The following FAM184A variants were observed in gnomAD, a reference collection of about 807,000 sequenced individuals.
The protein encoded by FAM184A is family with sequence similarity 184 member A, also known as protein FAM184A.
Under a neutral mutation model 143.8 loss-of-function variants are expected in FAM184A, and 99 were observed. The ratio of observed to expected loss-of-function variants is 0.69; its 90% CI spans 0.58 to 0.81. The LOEUF is 0.81. FAM184A is among the 40% of genes least tolerant of loss of function. The probability of loss-of-function intolerance (pLI) is 0.00; values close to 1 mark genes in which losing one functional copy is unlikely to be tolerated. For synonymous variants in FAM184A, 427 were observed against 446.4 expected, an observed-to-expected ratio of 0.96 and a Z score of 0.55; for missense variants, 1,217 against 1,310.5, an observed-to-expected ratio of 0.93 and a Z score of 1.10.
At chr6:119,017,929 T>C (rs1785317877) in intron 4 of FAM184A, among the ~76,000 whole-genome samples, 1 of 152,164 alleles carries the variant, frequency 6.6e-6, no homozygotes, top group Admixed American at 6.5e-5. Context: ...CTCTCTCTCT[T>C]GTCCTGTGAC....
chr6:118,994,701 A>G (rs1784490145), intron 9 of FAM184A, among the ~76,000 whole-genome samples: 1 of 134,718 alleles, frequency 7.4e-6, no homozygotes, highest in Admixed American at 7.2e-5. Context: ...AAATAAATAA[A>G]TAAATAAATA....
chr6:119,079,339 A>G (rs1380557113), upstream of FAM184A, among the ~76,000 whole-genome samples: 2 of 152,184 alleles, frequency 1.3e-5, no homozygotes, highest in Non-Finnish European at 2.9e-5. Context: ...ACAAATAGAT[A>G]TGAAACTACT....
chr6:119,073,880 C>T (rs1787778784), intron 1 of FAM184A, among the ~76,000 whole-genome samples: 1 of 152,162 alleles, frequency 6.6e-6, no homozygotes, highest in South Asian at 2.1e-4. Flanking sequence ...CCTATGTGGC[C>T]TCTACGGAAG....
At chr6:119,069,268 A>G (rs1787591830) in intron 1 of FAM184A, 1 of 176,712 alleles carries the variant, frequency 5.7e-6, no homozygotes, top group Admixed American at 6.2e-5. Flanking sequence ...ATATCTAAGT[A>G]TATTTTATTA....
chr6:118,960,238 T>C, intron 17 of FAM184A, 54 bp from the exon 18 acceptor site: 1 of 1,467,158 alleles, frequency 6.8e-7, no homozygotes, highest in South Asian at 1.2e-5. Context: ...TTTTGCAAAA[T>C]GAAGGCAAAA....
chr6:118,964,454 A>G (rs1783430990), intron 16 of FAM184A, among the ~76,000 whole-genome samples: 1 of 152,232 alleles, frequency 6.6e-6, no homozygotes, highest in Non-Finnish European at 1.5e-5. Context: ...GTTTTATAAT[A>G]TTGGTAAAAT....
chr6:118,992,051 A>G (rs956456898), intron 9 of FAM184A, among the ~76,000 whole-genome samples: 1 of 152,074 alleles, frequency 6.6e-6, no homozygotes, highest in Non-Finnish European at 1.5e-5. Flanking sequence ...GGTATGAGCC[A>G]GCGCACCCAG....
In FAM184A at chr6:119,024,155, G is replaced by A. The variant is rs1012436424; in HGVS notation, c.818C>T (p.Thr273Ile). 3.1e-6 allele frequency: 5 copies of A among 1,614,164 alleles called. No individual in the cohort carries two copies. The highest frequency in any genetic ancestry group is 3.4e-6 in the Non-Finnish European group (4 of 1,180,026). Reference protein sequence around the residue: ...LDTLKRSQLFTAESLQASKEK... With the variant: ...LDTLKRSQLFIAESLQASKEK... ...TTTGCTGGCCTGTAGGCTTTCTGCT[G>A]TAAAAAGCTGTGACCTTTTCAAAGT... Residue 273 changes from threonine to isoleucine, a missense_variant, in exon 2 of 18, where the codon ACA (threonine) becomes ATA (isoleucine). Transcript: ENST00000338891.
chr6:118,962,797 G>GAATTGATTCT (rs1375831693), intron 16 of FAM184A: 1 of 151,850 alleles, frequency 6.6e-6, no homozygotes, highest in African/African-American at 2.4e-5. Context: ...CACATCTCTA[G>GAATTGATTCT]AATCAATGAT....
At chr6:119,082,270 T>C (rs1170915296), upstream of FAM184A, among the ~76,000 whole-genome samples, 1 of 152,170 alleles carries the variant, frequency 6.6e-6, no homozygotes, top group East Asian at 1.9e-4. Flanking sequence ...CAATATGAGA[T>C]TTGAGTGGAG....
chr6:119,083,819 G>C (rs908895038), intron 1 of FAM184A, among the ~76,000 whole-genome samples: 1 of 152,082 alleles, frequency 6.6e-6, no homozygotes, highest in Admixed American at 6.5e-5. Flanking sequence ...CCTCCAAACT[G>C]TTCCAGTTCT....
At position 119,011,410 on chromosome 6, in the gene FAM184A, T is replaced by G. The variant is rs752344310; in HGVS notation, c.1552A>C (p.Lys518Gln). 8.4e-6 allele frequency: 13 copies of G among 1,556,000 alleles called. No homozygotes were observed. In the Admixed American group the frequency reaches 2.3e-4, roughly 28 times the overall value. The change falls in exon 6 of 18, where the codon AAA (lysine) becomes CAA (glutamine). Residue 518 changes from lysine (K) to glutamine (Q), a missense_variant. Coordinates refer to ENST00000338891, the MANE Select transcript of FAM184A (RefSeq NM_024581.6). ...LQMDLEEQHN[K>Q]DKLNLEEDKN... ...TCCTCTTCCAGGTTTAGTTTATCTTTGTTATGTTGTTCTTCCAAATCCTTA... is the reference window on the plus strand; with the variant it reads ...TCCTCTTCCAGGTTTAGTTTATCTTGGTTATGTTGTTCTTCCAAATCCTTA...
At chr6:119,007,351 T>C (rs979572976) in intron 6 of FAM184A, among the ~76,000 whole-genome samples, 5 of 152,162 alleles carry the variant, frequency 3.3e-5, no homozygotes, top group Non-Finnish European at 7.4e-5. Context: ...TATTTTTCCT[T>C]GTAAATACAG....
At chr6:119,126,702 C>A (rs1789376361) in intron 1 of FAM184A, among the ~76,000 whole-genome samples, 1 of 152,192 alleles carries the variant, frequency 6.6e-6, no homozygotes, top group African/African-American at 2.4e-5. Context: ...AAGCCTCTGC[C>A]TTTTTGTGCG....
At chr6:119,074,554 AG>A (rs1025411112) in intron 1 of FAM184A, among the ~76,000 whole-genome samples, 1 of 152,328 alleles carries the variant, frequency 6.6e-6, no homozygotes, top group African/African-American at 2.4e-5. Context: ...CCAGTCTCAA[AG>A]AGTAAATTGA....
At chr6:119,010,974 T>A (rs1422236932) in intron 6 of FAM184A, among the ~76,000 whole-genome samples, 1 of 152,176 alleles carries the variant, frequency 6.6e-6, no homozygotes, top group East Asian at 1.9e-4. Context: ...CCTCAGTTTC[T>A]GTTGAAATTG....
intron 1 of FAM184A, among the ~76,000 whole-genome samples, chr6:119,137,765 C>T (rs887706926): frequency 6.6e-6 from 1 of 152,192 alleles, no homozygotes; most frequent in Non-Finnish European, 1.5e-5. Context: ...TCCTCCTGGA[C>T]CAAGAAACCC....
At chr6:119,147,419 C>T (rs912496924) in intron 1 of FAM184A, among the ~76,000 whole-genome samples, 3 of 152,102 alleles carry the variant, frequency 2.0e-5, no homozygotes, top group Non-Finnish European at 2.9e-5. Context: ...TCATTGTTTG[C>T]TGACATAAGA....
At chr6:119,017,170 G>C (rs772065690) in intron 4 of FAM184A, among the ~76,000 whole-genome samples, 6 of 152,146 alleles carry the variant, frequency 3.9e-5, no homozygotes, top group Non-Finnish European at 2.9e-5. Context: ...TATCATATTA[G>C]ACCAAATGTG....
Sources: allele counts gnomAD v4.1 joint callset (sites outside exome capture counted in the v4.1 genomes callset), GRCh38; gene constraint gnomAD v4.1.1; transcripts MANE v1.5; gene names NCBI Gene and HGNC (gene_info 2026-07-23, HGNC 2026-07-21).